The following IL18 variants were observed in gnomAD, a reference collection of about 807,000 sequenced individuals.
IL18 encodes the protein interleukin-18.
Under a neutral mutation model 14.2 loss-of-function variants are expected in IL18, and 8 were observed. The observed-to-expected ratio is 0.56, with a 90% CI of 0.33 to 1.01. The LOEUF is 1.01. Ranked by LOEUF, IL18 falls within the 50% of genes least tolerant of loss-of-function variation. The pLI, the probability that IL18 is intolerant of heterozygous loss-of-function variation, is 0.03. For missense variants in IL18, 166 were observed against 231.1 expected, an observed-to-expected ratio of 0.72 and a Z score of 1.83; for synonymous variants, 67 against 71.0, an observed-to-expected ratio of 0.94 and a Z score of 0.28.
chr11:112,146,170 C>CATGTAT (rs1341135648), intron 5 of IL18, among the ~76,000 whole-genome samples: 1 of 150,986 alleles, frequency 6.6e-6, no homozygotes, highest in Admixed American at 6.7e-5. Flanking sequence ...TACATATATA[C>CATGTAT]ATGTATATGT....
In IL18 at chr11:112,143,543, A is replaced by C; in HGVS notation, c.*53T>G. The C allele has an allele frequency of 8.0e-7, 1 of 1,253,276 alleles. No homozygotes were observed. Among genetic ancestry groups the C allele is most frequent in the Admixed American group, 2.0e-5 (1 of 49,836 alleles). 77.6% of individuals were successfully genotyped at this position (1,253,276 alleles called of 1,614,324 possible). A position where few individuals can be genotyped will look rare whatever the true frequency, so the allele number is the denominator to read the frequency against. On this transcript the variant is annotated 3_prime_UTR_variant, in exon 6 of 6. Transcript: ENST00000280357. ...GTGATCTGCCCGCCTCAGCCTCCCAAAGGGCTGGGATTACAGGCGTGAGCC... is the reference window on the plus strand; with the variant it reads ...GTGATCTGCCCGCCTCAGCCTCCCACAGGGCTGGGATTACAGGCGTGAGCC...
At chr11:112,145,018 C>A (rs924739269) in intron 5 of IL18, among the ~76,000 whole-genome samples, 2 of 152,196 alleles carry the variant, frequency 1.3e-5, no homozygotes, top group Non-Finnish European at 2.9e-5. Flanking sequence ...ATCCTGGAAC[C>A]AGTAGATGTT....
In IL18 at chr11:112,162,908, C is replaced by T. The variant is rs549237238; in HGVS notation, c.-9+998G>A. On this transcript the variant is annotated intron_variant, in intron 1 of 5. Transcript: ENST00000280357. ...CCTGGGCTCAAGCAGTCCTCAGCATCCTGAGTAGTTCTACAGGCATGCACC... is the reference window on the plus strand; with the variant it reads ...CCTGGGCTCAAGCAGTCCTCAGCATTCTGAGTAGTTCTACAGGCATGCACC... Among the ~76,000 whole-genome samples, 12 of 152,228 alleles carry T rather than the reference C, an allele frequency of 7.9e-5. No homozygotes were observed. The East Asian group carries it at 2.1e-3, about 27-fold the overall frequency.
intron 4 of IL18, among the ~76,000 whole-genome samples, chr11:112,149,292 A>C (rs1866395189): frequency 1.3e-5 from 2 of 151,964 alleles, no homozygotes; most frequent in Non-Finnish European, 1.5e-5. Flanking sequence ...ACAGAGTGAA[A>C]CTGCATCTCA....
At chr11:112,144,283 A>G (rs1029311731) in intron 5 of IL18, among the ~76,000 whole-genome samples, 5 of 152,246 alleles carry the variant, frequency 3.3e-5, no homozygotes, top group African/African-American at 1.2e-4. Flanking sequence ...CCCAGCCAGA[A>G]GTGCAGTGGT....
chr11:112,163,529 T>A (rs1205137085), intron 1 of IL18, among the ~76,000 whole-genome samples: 1 of 152,180 alleles, frequency 6.6e-6, no homozygotes, highest in Non-Finnish European at 1.5e-5. Context: ...ATCCAGCAGA[T>A]CTATATGGCT....
intron 1 of IL18, among the ~76,000 whole-genome samples, chr11:112,158,634 C>A (rs1176027938): frequency 7.1e-6 from 1 of 141,254 alleles, no homozygotes; most frequent in Non-Finnish European, 1.5e-5. Flanking sequence ...ACCTGTATGT[C>A]TGAAGAACTT....
chr11:112,163,415 G>A (rs1262017905), intron 1 of IL18, among the ~76,000 whole-genome samples: 2 of 152,136 alleles, frequency 1.3e-5, no homozygotes, highest in Non-Finnish European at 1.5e-5. Context: ...ATTCTAAGAC[G>A]TAATTTGTCT....
intron 5 of IL18, among the ~76,000 whole-genome samples, chr11:112,146,033 C>CT (rs10708869): frequency 0.01 from 1,345 of 131,112 alleles, 22 homozygotes; most frequent in Admixed American, 0.035. Context: ...GGATTTCTTT[C>CT]TTTTTTTTTT....
chr11:112,158,557 C>G (rs1033959561), intron 1 of IL18, among the ~76,000 whole-genome samples: 2 of 115,968 alleles, frequency 1.7e-5, no homozygotes, highest in East Asian at 5.0e-4. Context: ...CAATACATCC[C>G]TTAGCACTTG....
intron 3 of IL18, among the ~76,000 whole-genome samples, chr11:112,152,713 G>A (rs5744254): frequency 4.1e-3 from 618 of 152,234 alleles, no homozygotes; most frequent in Non-Finnish European, 6.7e-3. Context: ...TCAACTATGT[G>A]AGTGAGATCA....
chr11:112,155,004 T>A lies in IL18; in HGVS notation c.50A>T (p.Lys17Ile). 1 of 1,612,662 alleles carries A rather than the reference T, an allele frequency of 6.2e-7. No individual in the cohort carries two copies. The highest frequency in any genetic ancestry group is 8.5e-7 in the Non-Finnish European group (1 of 1,178,766). Residue 17 changes from lysine to isoleucine, a missense_variant, in exon 2 of 6, where the codon AAA (lysine) becomes ATA (isoleucine). Transcript: ENST00000280357. Reference protein sequence around the residue: ...EDNCINFVAMKFIDNTLYFIA... With the variant: ...EDNCINFVAMIFIDNTLYFIA... ...AAAGTAAAGCGTATTGTCAATAAAT[T>A]TCATTGCCACAAAGTTGATGCAATT...
At chr11:112,154,119 G>C (rs947428719) in intron 2 of IL18, among the ~76,000 whole-genome samples, 2 of 152,100 alleles carry the variant, frequency 1.3e-5, no homozygotes, top group Non-Finnish European at 2.9e-5. Context: ...ATATTTTGCA[G>C]TTTTTTGTAG....
chr11:112,150,060 T>C lies in IL18; in HGVS notation c.226+12A>G. Reference sequence around the variant, plus strand: ...GCTAGTCATTTCTATGTTTGCGAATTAAAAAAAATACCTCTACAGTCAGAA... The same window carrying C: ...GCTAGTCATTTCTATGTTTGCGAATCAAAAAAAATACCTCTACAGTCAGAA... On this transcript the variant is annotated intron_variant, in intron 4 of 5. Transcript: ENST00000280357. 1 of 1,584,508 alleles carries C rather than the reference T, an allele frequency of 6.3e-7. No individual in the cohort carries two copies. The highest frequency in any genetic ancestry group is 8.6e-7 in the Non-Finnish European group (1 of 1,169,522).
intron 1 of IL18, among the ~76,000 whole-genome samples, chr11:112,162,913 G>A (rs7106524): frequency 0.37 from 56,390 of 152,042 alleles, 10,619 homozygotes; most frequent in South Asian, 0.59. Flanking sequence ...AGCATCCTGA[G>A]TAGTTCTACA....
chr11:112,156,646 C>T (rs1302101021), intron 1 of IL18, among the ~76,000 whole-genome samples: 2 of 151,958 alleles, frequency 1.3e-5, no homozygotes, highest in African/African-American at 2.4e-5. Flanking sequence ...GGTTTCACCA[C>T]GTTGCCCAGG....
At chr11:112,160,668 C>T (rs534016796) in intron 1 of IL18, among the ~76,000 whole-genome samples, 3 of 152,088 alleles carry the variant, frequency 2.0e-5, no homozygotes, top group African/African-American at 7.2e-5. Flanking sequence ...ATGACAACAG[C>T]GTAGAAAGGG....
At chr11:112,162,244 T>A (rs890072035) in intron 1 of IL18, among the ~76,000 whole-genome samples, 2 of 152,042 alleles carry the variant, frequency 1.3e-5, no homozygotes, top group Non-Finnish European at 2.9e-5. Context: ...AAGATTTGAA[T>A]AGATAGAGAA....
At chr11:112,162,152 C>CA (rs1866642543) in intron 1 of IL18, among the ~76,000 whole-genome samples, 1 of 151,550 alleles carries the variant, frequency 6.6e-6, no homozygotes, top group African/African-American at 2.4e-5. Flanking sequence ...AGACTCAAAG[C>CA]AAAAAAATCA....
Sources: allele counts gnomAD v4.1 joint callset (sites outside exome capture counted in the v4.1 genomes callset), GRCh38; gene constraint gnomAD v4.1.1; transcripts MANE v1.5; gene names NCBI Gene and HGNC (gene_info 2026-07-23, HGNC 2026-07-21).